FNBP4: variants seen among roughly 807,000 people sequenced by gnomAD.
The protein encoded by FNBP4 is formin-binding protein 4.
FNBP4 carries 34 observed loss-of-function variants against 119.3 expected under a neutral mutation model. The observed-to-expected ratio is 0.28, with a 90% CI of 0.22 to 0.38. FNBP4 has a LOEUF of 0.38. Among genes scored for constraint, FNBP4 ranks in the 10% least tolerant of loss-of-function variants. FNBP4 has a pLI of 1.00. For missense variants in FNBP4, 1,112 were observed against 1,228.9 expected (o/e 0.90, Z 1.42); for synonymous variants, 462 against 430.6 (o/e 1.07, Z -0.90).
rs994758588 is a variant in FNBP4 at position 47,725,870 on chromosome 11, T to C, written c.2009-1092A>G. The C allele has an allele frequency of 1.4e-5, 11 of 811,910 alleles. No individual in the cohort carries two copies. In the Admixed American group the frequency reaches 6.3e-4, roughly 46 times the overall value. The allele number at this position is 811,910 out of a possible 1,614,324, so 50.3% of individuals were successfully genotyped here. A position where few individuals can be genotyped will look rare whatever the true frequency, so the allele number is the denominator to read the frequency against. Reference sequence around the variant, plus strand: ...ATAGAATTTAGGAGTAGAAGAGACATGAGAAATCATCTATTTCAACCTCCT... The same window carrying C: ...ATAGAATTTAGGAGTAGAAGAGACACGAGAAATCATCTATTTCAACCTCCT... On this transcript the variant is annotated intron_variant, in intron 12 of 16. Coordinates refer to ENST00000263773, the MANE Select transcript of FNBP4 (RefSeq NM_015308.5).
Position 47,723,048 on chromosome 11 carries a change from A to G in FNBP4, c.2733T>C (p.Pro911=), listed in dbSNP as rs1334872363. 2.5e-6 allele frequency: 4 copies of G among 1,585,454 alleles called. No homozygotes were observed. Among genetic ancestry groups the G allele is most frequent in the Non-Finnish European group, 3.4e-6 (4 of 1,165,708 alleles). Residue 911 remains proline (P), a synonymous_variant, in exon 15 of 17, where the codon CCT becomes CCC. Transcript: ENST00000263773. The part of the protein sequence containing the change: ...TIIEPPPPPP[P]PPPPPPPAPK... ...GAGCTGGTGGTGGTGGAGGAGGAGG[A>G]GGAGGAGGTGGTGGTGGTGGTTCTA...
chr11:47,739,525 A>C (rs1376118474), intron 8 of FNBP4, among the ~76,000 whole-genome samples: 1 of 152,212 alleles, frequency 6.6e-6, no homozygotes, highest in Admixed American at 6.5e-5. Flanking sequence ...ATATACCACT[A>C]GGAATCTTTA....
At chr11:47,742,297 G>A (rs906177283) in intron 8 of FNBP4, among the ~76,000 whole-genome samples, 3 of 151,584 alleles carry the variant, frequency 2.0e-5, no homozygotes, top group Non-Finnish European at 4.4e-5. Flanking sequence ...TGGCCAACAT[G>A]GTGAAATCCC....
chr11:47,718,747 A>C (rs985309776), intron 16 of FNBP4, among the ~76,000 whole-genome samples: 1 of 152,188 alleles, frequency 6.6e-6, no homozygotes. Context: ...CCATTTCAGA[A>C]TGTATACCTT....
Position 47,767,218 on chromosome 11 carries a change from C to A in FNBP4, c.71G>T (p.Gly24Val), listed in dbSNP as rs2097649633. ...CTCCGGGTCCCGGCCCGGCGTGCTG[C>A]CCCGAGGACCCGGCGGAGAGAGTTG... Reference protein sequence around the residue: ...ILQLSPPGPRGSTPGRDPEPE... With the variant: ...ILQLSPPGPRVSTPGRDPEPE... The change falls in exon 1 of 17, where the codon GGC becomes GTC. Residue 24 changes from glycine to valine, a missense_variant. By Grantham distance (109) the Gly-to-Val change is moderately radical (BLOSUM62 -3). This residue lies in a region of FNBP4 where 286 missense variants were observed against 240.1 expected (regional missense o/e 1.19). Transcript: ENST00000263773. 1.3e-6 allele frequency: 2 copies of A among 1,568,610 alleles called. No individual in the cohort carries two copies. The highest frequency in any genetic ancestry group is 2.7e-5 in the African/African-American group (2 of 72,960).
intron 4 of FNBP4, among the ~76,000 whole-genome samples, chr11:47,751,502 T>C (rs2097603881): frequency 6.6e-6 from 1 of 151,866 alleles, no homozygotes; most frequent in Non-Finnish European, 1.5e-5. Context: ...CCATCCACCC[T>C]GCCTCCTACA....
chr11:47,721,417 A>G (rs2097555521), intron 15 of FNBP4, among the ~76,000 whole-genome samples: 1 of 151,556 alleles, frequency 6.6e-6, no homozygotes, highest in Admixed American at 6.6e-5. Context: ...CATGACAAAA[A>G]CCCACCTCTA....
chr11:47,729,299 A>C, intron 12 of FNBP4: 1 of 985,426 alleles, frequency 1.0e-6, no homozygotes, highest in Non-Finnish European at 1.2e-6. Flanking sequence ...AAAAAGAAAA[A>C]GGAGCTCAAC....
At chr11:47,766,965 G>A in intron 1 of FNBP4, 104 bp downstream of exon 1, 1 of 1,398,168 alleles carries the variant, frequency 7.2e-7, no homozygotes, top group Non-Finnish European at 9.2e-7. Flanking sequence ...GCAGGCCTCG[G>A]AAGCCGACCT....
intron 8 of FNBP4, among the ~76,000 whole-genome samples, chr11:47,743,201 G>C (rs1243316060): frequency 6.6e-6 from 1 of 151,818 alleles, no homozygotes; most frequent in South Asian, 2.1e-4. Flanking sequence ...ACAGAATTAG[G>C]GCCACAGCTG....
Position 47,724,187 on chromosome 11 carries a change from T to G in FNBP4, c.2320-15A>C, listed in dbSNP as rs192814501. The G allele has an allele frequency of 4.7e-4, 753 of 1,613,412 alleles. 3 individuals are homozygous for G. Among genetic ancestry groups the G allele is most frequent in the Non-Finnish European group, 6.1e-4 (718 of 1,179,636 alleles). On this transcript the variant is annotated splice_polypyrimidine_tract_variant and intron_variant, in intron 13 of 16. Coordinates refer to ENST00000263773, the MANE Select transcript of FNBP4 (RefSeq NM_015308.5). ...TCAACTGAACTCTGAAACACAAACA[T>G]TTGTTATCAGTGGCTGAAGGCCATG...
intron 8 of FNBP4, among the ~76,000 whole-genome samples, chr11:47,738,847 A>ATTTTTTTTTTTTTTTTTTTTTTTTTTT: frequency 9.0e-6 from 1 of 110,990 alleles, no homozygotes; most frequent in Non-Finnish European, 1.9e-5. Context: ...TGCCCAGGTA[A>ATTTTTTTTTTTTTTTTTTTTTTTTTTT]TTTTTTTTTT....
chr11:47,758,975 G>C (rs947317086), intron 2 of FNBP4, among the ~76,000 whole-genome samples: 2 of 146,718 alleles, frequency 1.4e-5, no homozygotes, highest in African/African-American at 5.1e-5. Flanking sequence ...CTGGAGTGCA[G>C]TGGCACAATC....
In FNBP4 at chr11:47,767,265, T is replaced by C. The variant is rs895464060; in HGVS notation, c.24A>G (p.Val8=). The C allele has an allele frequency of 6.5e-7, 1 of 1,547,856 alleles. No homozygotes were observed. Among genetic ancestry groups the C allele is most frequent in the Non-Finnish European group, 8.7e-7 (1 of 1,155,758 alleles). The part of the protein sequence containing the change: MGKKSRA[V]PGRRPILQLS... ...GTTGCAGGATGGGCCTACGGCCGGG[T>C]ACCGCCCGGGACTTCTTCCCCATCG... Residue 8 remains valine (V), a synonymous_variant, in exon 1 of 17, where the codon GTA becomes GTG. Transcript: ENST00000263773.
chr11:47,724,412 T>G (rs2097558851), intron 13 of FNBP4, 56 bp downstream of exon 13: 5 of 1,611,634 alleles, frequency 3.1e-6, no homozygotes, highest in Non-Finnish European at 4.2e-6. Flanking sequence ...TAAAACATGG[T>G]GTCAATCATG....
chr11:47,731,432 G>A lies in FNBP4; in HGVS notation c.1950C>T (p.Thr650=), dbSNP rs1180614383. Residue 650 remains threonine, a synonymous_variant, in exon 12 of 17, where the codon ACC becomes ACT. Transcript: ENST00000263773. ...AATCAGTGCCAGTTTTGTCTTTCAA[G>A]GTCTGTTTGGCAAGAGTCTCATCTC... ...ENRDETLAKQ[T]LKDKTGTDSN... 6.2e-7 allele frequency: 1 copy of A among 1,613,844 alleles called. No homozygotes were observed. The highest frequency in any genetic ancestry group is 2.2e-5 in the East Asian group (1 of 44,834).
At chr11:47,736,768 C>T (rs551822881) in intron 8 of FNBP4, 28 bp from the exon 9 acceptor site, 1 of 1,568,480 alleles carries the variant, frequency 6.4e-7, no homozygotes. Context: ...AAAATTAAAC[C>T]AAAGTACCAA....
chr11:47,735,265 T>A (rs1297715241), intron 9 of FNBP4, among the ~76,000 whole-genome samples: 1 of 152,152 alleles, frequency 6.6e-6, no homozygotes, highest in Non-Finnish European at 1.5e-5. Context: ...TAAATACCAA[T>A]ATTGTCAAAT....
At chr11:47,718,317 G>A (rs963846652) in intron 16 of FNBP4, among the ~76,000 whole-genome samples, 4 of 151,972 alleles carry the variant, frequency 2.6e-5, no homozygotes, top group Non-Finnish European at 5.9e-5. Flanking sequence ...AGGTCCAAGC[G>A]ATTCTCCTGC....
Sources: allele counts gnomAD v4.1 joint callset (sites outside exome capture counted in the v4.1 genomes callset), GRCh38; gene constraint gnomAD v4.1.1; regional missense constraint gnomAD v4.1.1; transcripts MANE v1.5; gene names NCBI Gene and HGNC (gene_info 2026-07-23, HGNC 2026-07-21).